Variants in PAGE4 observed in about 807,000 individuals in gnomAD.
PAGE4 encodes PAGE family member 4.
In PAGE4, 1 loss-of-function variant was observed where a neutral mutation model predicts 8.5. The ratio of observed to expected loss-of-function variants is 0.12; its 90% CI spans 0.04 to 0.56. The LOEUF (loss-of-function observed/expected upper bound fraction) is 0.56, where lower values mean the gene tolerates loss of function less well. Ranked by LOEUF, PAGE4 falls within the 20% of genes least tolerant of loss-of-function variation. The pLI is 0.91. For synonymous variants in PAGE4, 26 were observed against 26.3 expected, an observed-to-expected ratio of 0.99 and a Z score of 0.04; for missense variants, 93 against 82.7, an observed-to-expected ratio of 1.13 and a Z score of -0.49.
intron 3 of PAGE4, among the ~76,000 whole-genome samples, chrX:49,832,203 A>T (rs2147204348): frequency 8.9e-6 from 1 of 111,876 alleles, no homozygotes; most frequent in African/African-American, 3.2e-5. Flanking sequence ...TGAGGATATA[A>T]ATGAGATAAT....
At chrX:49,831,169 T>A (rs1405257487) in intron 3 of PAGE4, 85 bp downstream of exon 3, 2 of 636,633 alleles carry the variant, frequency 3.1e-6, no homozygotes, top group Non-Finnish European at 4.9e-6. Flanking sequence ...CCCTAAAAAT[T>A]GGCTGGAAAC....
intron 3 of PAGE4, among the ~76,000 whole-genome samples, chrX:49,832,107 G>A (rs782555892): frequency 5.7e-4 from 64 of 111,639 alleles, no homozygotes; most frequent in Non-Finnish European, 1.1e-3. Flanking sequence ...TCTTTAATTT[G>A]GGTTTGTCTT....
intron 4 of PAGE4, 117 bp from the exon 5 acceptor site, chrX:49,833,729 C>T (rs965184824): frequency 1.6e-5 from 8 of 500,348 alleles, no homozygotes; most frequent in Non-Finnish European, 2.4e-5. Flanking sequence ...CAGTGGTTAG[C>T]GTTCTGGTTT....
chrX:49,831,051 G>A lies in PAGE4; in HGVS notation c.133G>A (p.Gly45Arg). The A allele has an allele frequency of 8.4e-7, 1 of 1,187,666 alleles. No homozygotes were observed. Among genetic ancestry groups the A allele is most frequent in the Non-Finnish European group, 1.1e-6 (1 of 882,667 alleles). ...PPTDNQDIEP[G>R]QEREGTPPIE... ...AACTGACAATCAGGATATTGAACCT[G>A]GACAAGAGAGAGAAGGAACACCTCC... The change falls in exon 3 of 5, where the codon GGA becomes AGA. Residue 45 changes from glycine to arginine, a missense_variant. Transcript: ENST00000218068.
chrX:49,831,119 TGTATGATTTTATACTAGTA>T (rs782302998), intron 3 of PAGE4, 35 bp downstream of exon 3: 2 of 952,693 alleles, frequency 2.1e-6, no homozygotes, highest in African/African-American at 3.9e-5. Context: ...TTGTGTTTCA[TGTATGATTTTATACTAGTA>T]ACAGGAATAA....
At chrX:49,831,394 GTT>G (rs1369398335) in intron 3 of PAGE4, 1 of 230,721 alleles carries the variant, frequency 4.3e-6, no homozygotes, top group African/African-American at 2.9e-5. Flanking sequence ...GTTAAACTTG[GTT>G]TTATTGGGAT....
Position 49,833,908 on chromosome X carries a change from A to AT in PAGE4, c.*48dup. ...AAGCTACACACATGGCTGATGTCAC[A>AT]TTGAAAATGTGACTGAAAATTTGAA... On this transcript the variant is annotated 3_prime_UTR_variant, in exon 5 of 5. Coordinates refer to ENST00000218068, the MANE Select transcript of PAGE4 (RefSeq NM_007003.4). The AT allele has an allele frequency of 9.6e-7, 1 of 1,046,672 alleles. No homozygotes were observed. The highest frequency in any genetic ancestry group is 1.3e-6 in the Non-Finnish European group (1 of 758,514). The allele number at this position is 1,046,672 out of a possible 1,213,427, so 86.3% of individuals were successfully genotyped here. A position where few individuals can be genotyped will look rare whatever the true frequency, so the allele number is the denominator to read the frequency against.
chrX:49,831,232 CT>C (rs1923470970), intron 3 of PAGE4, 148 bp downstream of exon 3: 2 of 442,029 alleles, frequency 4.5e-6, no homozygotes, highest in Admixed American at 9.7e-5. Context: ...TGCTGTAGTC[CT>C]TGTGATAAAT....
At chrX:49,833,793 T>A in intron 4 of PAGE4, 53 bp from the exon 5 acceptor site, 1 of 975,924 alleles carries the variant, frequency 1.0e-6, no homozygotes, top group Non-Finnish European at 1.4e-6. Context: ...TTTAGTGTCA[T>A]CTCAGTAAAG....
intron 3 of PAGE4, among the ~76,000 whole-genome samples, chrX:49,831,997 T>C (rs1923492942): frequency 8.9e-6 from 1 of 112,037 alleles, no homozygotes; most frequent in Admixed American, 9.5e-5. Flanking sequence ...TTAGTTGCCA[T>C]ATCTCTCTGG....
chrX:49,831,230 T>C (rs1557156585), intron 3 of PAGE4, 146 bp downstream of exon 3: 1 of 443,728 alleles, frequency 2.3e-6, no homozygotes, highest in East Asian at 4.2e-5. Flanking sequence ...GCTGCTGTAG[T>C]CCTTGTGATA....
chrX:49,829,505 G>C (rs1557156250), intron 1 of PAGE4, 154 bp downstream of exon 1: 1 of 112,218 alleles, frequency 8.9e-6, no homozygotes, highest in Admixed American at 9.4e-5. Flanking sequence ...AGGAAGGAGG[G>C]CCATGAAGGG....
chrX:49,832,422 A>G, intron 3 of PAGE4, 103 bp from the exon 4 acceptor site: 1 of 500,477 alleles, frequency 2.0e-6, no homozygotes. Context: ...CATTGCACTC[A>G]TGCATCACAT....
In PAGE4 at chrX:49,830,789, T is replaced by G; in HGVS notation, c.79-208T>G. The G allele has an allele frequency of 6.9e-6, 3 of 437,548 alleles. No homozygotes were observed. In the South Asian group the frequency reaches 1.2e-4, roughly 17 times the overall value. The allele number at this position is 437,548 out of a possible 1,213,427, so 36.1% of individuals were successfully genotyped here. A position where few individuals can be genotyped will look rare whatever the true frequency, so the allele number is the denominator to read the frequency against. ...AGAAGATGAAAATGGGTTCCAGAATTATTGGTCCTTGCAGGTAACTCCTTA... is the reference window on the plus strand; with the variant it reads ...AGAAGATGAAAATGGGTTCCAGAATGATTGGTCCTTGCAGGTAACTCCTTA... On this transcript the variant is annotated intron_variant, in intron 2 of 4. Coordinates refer to ENST00000218068, the MANE Select transcript of PAGE4 (RefSeq NM_007003.4).
chrX:49,833,326 G>A, intron 4 of PAGE4, among the ~76,000 whole-genome samples: 1 of 111,830 alleles, frequency 8.9e-6, no homozygotes, highest in Admixed American at 9.5e-5. Context: ...TCCACATAAA[G>A]ATTTAACTAG....
intron 2 of PAGE4, 62 bp from the exon 3 acceptor site, chrX:49,830,935 C>G: frequency 1.3e-6 from 1 of 757,539 alleles, no homozygotes; most frequent in Non-Finnish European, 2.0e-6. Context: ...TTTGTGACTT[C>G]TATTGCCATG....
chrX:49,830,892 T>C, intron 2 of PAGE4, 105 bp from the exon 3 acceptor site: 1 of 539,546 alleles, frequency 1.9e-6, no homozygotes, highest in East Asian at 3.7e-5. Context: ...TTCAGATTTA[T>C]TTGTGACTAG....
At chrX:49,831,390 C>T (rs1923474856) in intron 3 of PAGE4, 1 of 246,293 alleles carries the variant, frequency 4.1e-6, no homozygotes, top group Non-Finnish European at 7.0e-6. Context: ...ATGAGTTAAA[C>T]TTGGTTTTAT....
chrX:49,831,661 TC>T (rs375722044), intron 3 of PAGE4, among the ~76,000 whole-genome samples: 13 of 112,048 alleles, frequency 1.2e-4, no homozygotes, highest in African/African-American at 3.9e-4. Flanking sequence ...TACAGTGAAC[TC>T]CTGTGTATTC....
Sources: allele counts gnomAD v4.1 joint callset (sites outside exome capture counted in the v4.1 genomes callset), GRCh38; gene constraint gnomAD v4.1.1; transcripts MANE v1.5; gene names NCBI Gene and HGNC (gene_info 2026-07-23, HGNC 2026-07-21).